SCN8A: variants seen among roughly 807,000 people sequenced by gnomAD.
The protein encoded by SCN8A is sodium channel protein type 8 subunit alpha.
In SCN8A, 30 loss-of-function variants were observed where a neutral mutation model predicts 184.1. That is an observed-to-expected ratio of 0.16 (90% confidence interval 0.12 to 0.22). The LOEUF is 0.22. Among genes scored for constraint, SCN8A ranks in the 10% least tolerant of loss-of-function variants. SCN8A has a pLI of 1.00. For missense variants in SCN8A, 1,057 were observed against 2,498.9 expected (o/e 0.42, Z 12.30); for synonymous variants, 852 against 907.0 (o/e 0.94, Z 1.09).
chr12:51,706,783 T>G, intron 11 of SCN8A, 68 bp downstream of exon 11: 1 of 1,027,420 alleles, frequency 9.7e-7, no homozygotes, highest in Non-Finnish European at 1.4e-6. Context: ...TGTGTATATG[T>G]ATATTATACC....
intron 11 of SCN8A, among the ~76,000 whole-genome samples, chr12:51,716,395 AG>A (rs528752084): frequency 6.6e-6 from 1 of 152,136 alleles, no homozygotes; most frequent in Non-Finnish European, 1.5e-5. Context: ...ATATTCTGAA[AG>A]GGGGTTTGGT....
rs303767 is a variant in SCN8A at position 51,762,471 on chromosome 12, A to C, written c.2371-32A>C. On this transcript the variant is annotated intron_variant, in intron 14 of 26. Coordinates refer to ENST00000627620, the MANE Select transcript of SCN8A (RefSeq NM_001330260.2). ...TAAAGGCATTCTCTTTCTACTATTT[A>C]TTTTTCTTACCCCCTGCATCCCCCT... The C allele has an allele frequency of 0.88, 1,404,093 of 1,596,908 alleles. 619,719 individuals are homozygous for C. Among genetic ancestry groups the C allele is most frequent in the East Asian group, 0.98 (43,617 of 44,410 alleles).
intron 1 of SCN8A, among the ~76,000 whole-genome samples, chr12:51,630,013 C>G (rs145273249): frequency 7.3e-4 from 111 of 152,250 alleles, no homozygotes; most frequent in African/African-American, 2.6e-3. Flanking sequence ...TTAATCTTGT[C>G]TTGAATTTTA....
intron 13 of SCN8A, among the ~76,000 whole-genome samples, chr12:51,748,486 C>T (rs926081339): frequency 6.6e-5 from 10 of 151,970 alleles, no homozygotes; most frequent in Admixed American, 5.9e-4. Context: ...GAGGACTGGG[C>T]GTGGGGTGTA....
intron 1 of SCN8A, among the ~76,000 whole-genome samples, chr12:51,657,924 T>C (rs1565876634): frequency 6.6e-6 from 1 of 152,166 alleles, no homozygotes; most frequent in Non-Finnish European, 1.5e-5. Flanking sequence ...TTCAGTTGGC[T>C]ATTAATATGT....
chr12:51,799,061 T>G (rs1938487102), intron 26 of SCN8A, among the ~76,000 whole-genome samples: 1 of 152,184 alleles, frequency 6.6e-6, no homozygotes, highest in Non-Finnish European at 1.5e-5. Context: ...AGCTGTCCAC[T>G]TTTGGGTGGT....
At chr12:51,741,406 A>T (rs1366197019) in intron 12 of SCN8A, among the ~76,000 whole-genome samples, 1 of 151,966 alleles carries the variant, frequency 6.6e-6, no homozygotes, top group African/African-American at 2.4e-5. Context: ...TTATTTTTTC[A>T]TGCATTTAGC....
Position 51,806,343 on chromosome 12 carries a change from C to T in SCN8A, c.4857C>T (p.Ile1619=), listed in dbSNP as rs1439028841. ...TTTCCCCAACCCTATTCCGAGTCAT[C>T]CGATTGGCCCGTATTGGGCGCATCT... ...YFVSPTLFRV[I]RLARIGRILR... Residue 1619 remains isoleucine (I), a synonymous_variant, in exon 27 of 27, where the codon ATC becomes ATT. Transcript: ENST00000627620. This position sits in a 1 kb window ranked among gnomAD's most constrained non-coding sequence, Gnocchi z 8.7. 2 of 1,564,332 alleles carry T rather than the reference C, an allele frequency of 1.3e-6. No homozygotes were observed. Among genetic ancestry groups the T allele is most frequent in the Non-Finnish European group, 8.7e-7 (1 of 1,153,554 alleles).
intron 16 of SCN8A, 64 bp from the exon 17 acceptor site, chr12:51,768,801 C>T: frequency 7.2e-7 from 1 of 1,393,256 alleles, no homozygotes; most frequent in Non-Finnish European, 9.6e-7. Context: ...TTCCAGTTTG[C>T]AACCCTGAGT....
intron 26 of SCN8A, among the ~76,000 whole-genome samples, chr12:51,800,966 G>A (rs571842236): frequency 6.6e-6 from 1 of 152,196 alleles, no homozygotes; most frequent in Non-Finnish European, 1.5e-5. Flanking sequence ...CTGTACGCTG[G>A]TTCAAGTCTG....
intron 19 of SCN8A, among the ~76,000 whole-genome samples, 158 bp from the exon 20 acceptor site, chr12:51,774,031 A>G (rs1447010727): frequency 6.6e-6 from 1 of 152,248 alleles, no homozygotes; most frequent in Non-Finnish European, 1.5e-5. Context: ...TAAACCTATT[A>G]AAACATAAAA....
intron 12 of SCN8A, among the ~76,000 whole-genome samples, chr12:51,738,552 A>G (rs960221597): frequency 2.1e-4 from 32 of 152,314 alleles, no homozygotes; most frequent in East Asian, 1.9e-4. Flanking sequence ...TTACCCAATA[A>G]GCTGCTTTGC....
In SCN8A at chr12:51,794,365, C is replaced by A. The variant is rs1187780307; in HGVS notation, c.4525-6C>A. 1.2e-6 allele frequency: 2 copies of A among 1,606,908 alleles called. No homozygotes were observed. The highest frequency in any genetic ancestry group is 1.7e-5 in the Admixed American group (1 of 59,768). On this transcript the variant is annotated splice_polypyrimidine_tract_variant and splice_region_variant and intron_variant, in intron 25 of 26. Transcript: ENST00000627620. ...TCTTTTATCTTTTCCTTCCCTTCCT[C>A]CCCAGAACAAAATCCAAGGAATCGT...
intron 1 of SCN8A, among the ~76,000 whole-genome samples, chr12:51,622,406 T>C (rs1028849712): frequency 2.0e-5 from 3 of 152,238 alleles, no homozygotes; most frequent in African/African-American, 7.2e-5. Flanking sequence ...CATTGCATTG[T>C]CATTATGTCT....
chr12:51,747,077 TAC>T (rs1942522452), intron 13 of SCN8A, among the ~76,000 whole-genome samples: 1 of 140,512 alleles, frequency 7.1e-6, no homozygotes, highest in African/African-American at 2.8e-5. Context: ...GTGCCACTTC[TAC>T]TCTGTGTGTA....
At chr12:51,755,901 C>T (rs903087338) in intron 14 of SCN8A, among the ~76,000 whole-genome samples, 1 of 152,140 alleles carries the variant, frequency 6.6e-6, no homozygotes, top group Non-Finnish European at 1.5e-5. Flanking sequence ...GCCACTGTTA[C>T]CTTTTATAGC....
In SCN8A at chr12:51,811,871, C is replaced by T. The variant is rs1031621430; in HGVS notation, c.*4442C>T. The T allele has an allele frequency of 1.3e-5, 2 of 152,264 alleles. No individual in the cohort carries two copies. Among genetic ancestry groups the T allele is most frequent in the Non-Finnish European group, 2.9e-5 (2 of 68,080 alleles). 9.4% of individuals were successfully genotyped at this position (152,264 alleles called of 1,614,324 possible). A position where few individuals can be genotyped will look rare whatever the true frequency, so the allele number is the denominator to read the frequency against. On this transcript the variant is annotated 3_prime_UTR_variant, in exon 27 of 27. Transcript: ENST00000627620. ...GGGTCATGACTTTGTGACTTGAGTC[C>T]TGGGCATCTTCTGTAATGATGCCTC... is the stretch of plus-strand genomic sequence containing the variant.
At position 51,809,822 on chromosome 12, in the gene SCN8A, C is replaced by G. The variant is rs1592177056; in HGVS notation, c.*2393C>G. The G allele has an allele frequency of 6.6e-6, 1 of 151,976 alleles. No homozygotes were observed. The highest frequency in any genetic ancestry group is 1.5e-5 in the Non-Finnish European group (1 of 68,002). The allele number at this position is 151,976 out of a possible 1,614,324, so 9.4% of individuals were successfully genotyped here. A position where few individuals can be genotyped will look rare whatever the true frequency, so the allele number is the denominator to read the frequency against. On this transcript the variant is annotated 3_prime_UTR_variant, in exon 27 of 27. Coordinates refer to ENST00000627620, the MANE Select transcript of SCN8A (RefSeq NM_001330260.2). ...GTTTATTTTTATTTTTTATACTTTT[C>G]TTTCTTCTTAGAACTTAGATGCTGT...
intron 1 of SCN8A, among the ~76,000 whole-genome samples, chr12:51,626,863 T>C (rs1470023201): frequency 6.6e-6 from 1 of 151,158 alleles, no homozygotes; most frequent in African/African-American, 2.4e-5. Flanking sequence ...TTTATTTATT[T>C]ATTTAGATTT....
Sources: gnomAD v4.1 joint callset for allele counts (sites outside exome capture counted in the v4.1 genomes callset) on GRCh38, gnomAD v4.1.1 for gene constraint, Gnocchi (gnomAD v3.1) non-coding constraint, MANE v1.5 for transcripts, NCBI Gene and HGNC (gene_info 2026-07-23, HGNC 2026-07-21) for gene names.